GRID1: variants seen among roughly 807,000 people sequenced by gnomAD.
GRID1 encodes the protein glutamate ionotropic receptor delta type subunit 1.
A neutral mutation model predicts 98.0 loss-of-function variants in GRID1; 28 were observed. That is an observed-to-expected ratio of 0.29 (90% CI 0.21 to 0.39). GRID1 has a LOEUF of 0.39. GRID1 is among the 10% of genes least tolerant of loss of function. The probability of loss-of-function intolerance (pLI) is 1.00; values close to 1 mark genes in which losing one functional copy is unlikely to be tolerated. For synonymous variants in GRID1, 553 were observed against 538.5 expected, an observed-to-expected ratio of 1.03 and a Z score of -0.37; for missense variants, 1,111 against 1,340.5, an observed-to-expected ratio of 0.83 and a Z score of 2.67.
rs533334388 is a variant in GRID1, at chr10:85,727,893, T to A, written c.1495A>T (p.Thr499Ser). The A allele has an allele frequency of 1.2e-5, 19 of 1,613,776 alleles. No homozygotes were observed. Among genetic ancestry groups the A allele is most frequent in the South Asian group, 6.6e-5 (6 of 91,056 alleles). ...TCCCCGATCATCCCGTTCCAGGAGGTGTTATGGAGCTGGTGACCGTACCTG... is the reference window on the plus strand; with the variant it reads ...TCCCCGATCATCCCGTTCCAGGAGGAGTTATGGAGCTGGTGACCGTACCTG... ...DGRYGHQLHN[T>S]SWNGMIGELI... is the part of the protein sequence containing the mutation. The change falls in exon 10 of 16, where the codon ACC becomes TCC. Residue 499 changes from threonine to serine, a missense_variant. By Grantham distance (58) the Thr-to-Ser change is moderately conservative. Transcript: ENST00000327946.
chr10:85,718,454 C>G (rs1048733194), intron 12 of GRID1, among the ~76,000 whole-genome samples: 1 of 151,916 alleles, frequency 6.6e-6, no homozygotes, highest in Middle Eastern at 3.2e-3. Flanking sequence ...GCCTTGCCCC[C>G]GCAGCAAACT....
chr10:86,032,363 T>A (rs1370338899), intron 4 of GRID1, among the ~76,000 whole-genome samples: 4 of 152,130 alleles, frequency 2.6e-5, no homozygotes, highest in Non-Finnish European at 4.4e-5. Context: ...ATGATGACGA[T>A]GGCAGTTTTG....
chr10:86,164,041 C>T (rs1436720892), intron 3 of GRID1, among the ~76,000 whole-genome samples: 3 of 152,178 alleles, frequency 2.0e-5, no homozygotes, highest in African/African-American at 7.2e-5. Context: ...AGTCCTAGGA[C>T]CCCAGGTGGG....
At chr10:85,763,212 C>T (rs1334209249) in intron 8 of GRID1, among the ~76,000 whole-genome samples, 1 of 152,224 alleles carries the variant, frequency 6.6e-6, no homozygotes, top group Non-Finnish European at 1.5e-5. Flanking sequence ...AATTTTCCTA[C>T]TTGTGCTCTC....
At chr10:86,158,762 T>A (rs558062737) in intron 3 of GRID1, among the ~76,000 whole-genome samples, 4 of 152,152 alleles carry the variant, frequency 2.6e-5, no homozygotes, top group African/African-American at 9.7e-5. Context: ...CACTATCCAA[T>A]GTGGCAGCCA....
At chr10:85,983,931 C>T (rs945192011) in intron 4 of GRID1, among the ~76,000 whole-genome samples, 5 of 152,088 alleles carry the variant, frequency 3.3e-5, no homozygotes, top group South Asian at 4.1e-4. Context: ...GCCCACAGGA[C>T]GCTCACCCTC....
At chr10:86,090,709 C>A (rs927108076) in intron 4 of GRID1, among the ~76,000 whole-genome samples, 3 of 152,134 alleles carry the variant, frequency 2.0e-5, no homozygotes, top group African/African-American at 4.8e-5. Context: ...AATTTTAGCT[C>A]CAGATTGACT....
intron 12 of GRID1, among the ~76,000 whole-genome samples, chr10:85,704,496 T>G (rs1002954557): frequency 3.3e-5 from 5 of 152,270 alleles, no homozygotes; most frequent in African/African-American, 1.2e-4. Context: ...AGAAAGAGAC[T>G]TAGACTCCCA....
At chr10:86,132,818 C>T (rs1844857860) in intron 4 of GRID1, among the ~76,000 whole-genome samples, 1 of 152,228 alleles carries the variant, frequency 6.6e-6, no homozygotes, top group Non-Finnish European at 1.5e-5. Context: ...TAAACCCAGG[C>T]TGGGCTTCTA....
intron 3 of GRID1, among the ~76,000 whole-genome samples, chr10:86,186,353 T>C (rs748538206): frequency 5.4e-4 from 82 of 152,240 alleles, no homozygotes; most frequent in Non-Finnish European, 1.1e-3. Context: ...TTTATCTTCA[T>C]GAAAAACCAC....
intron 4 of GRID1, among the ~76,000 whole-genome samples, chr10:86,091,601 CG>C (rs1844149678): frequency 6.6e-6 from 1 of 152,012 alleles, no homozygotes; most frequent in Non-Finnish European, 1.5e-5. Context: ...TCTAGAGCCC[CG>C]CCTAGCACCG....
chr10:86,113,123 G>C (rs1256344439), intron 4 of GRID1, among the ~76,000 whole-genome samples: 1 of 152,126 alleles, frequency 6.6e-6, no homozygotes, highest in East Asian at 1.9e-4. Context: ...TTTCATGCTT[G>C]CCTTCTTAAA....
At chr10:85,852,189 G>A (rs906943732) in intron 8 of GRID1, among the ~76,000 whole-genome samples, 1 of 152,148 alleles carries the variant, frequency 6.6e-6, no homozygotes, top group African/African-American at 2.4e-5. Flanking sequence ...TAACAACCAG[G>A]ATATGCAGTT....
chr10:85,637,654 C>G lies in GRID1; in HGVS notation c.2193+9548G>C, dbSNP rs143447519. ...GGAGTTCAACTGCTTTTTCCTGCCT[C>G]TCTAATTTCCTTTATCTTCCTGTAC... is the stretch of plus-strand genomic sequence containing the variant. On this transcript the variant is annotated intron_variant, in intron 13 of 15. Coordinates refer to ENST00000327946, the MANE Select transcript of GRID1 (RefSeq NM_017551.3). Among the ~76,000 whole-genome samples the G allele has an allele frequency of 3.3e-5, 5 of 152,338 alleles. No individual in the cohort carries two copies. In the East Asian group the frequency reaches 9.6e-4, roughly 29 times the overall value.
intron 4 of GRID1, among the ~76,000 whole-genome samples, chr10:85,957,254 G>A (rs747199578): frequency 6.6e-6 from 1 of 152,232 alleles, no homozygotes; most frequent in African/African-American, 2.4e-5. Flanking sequence ...GCTATAGGAT[G>A]AAGCTGGGAT....
intron 2 of GRID1, among the ~76,000 whole-genome samples, chr10:86,262,010 G>A (rs969128089): frequency 6.6e-6 from 1 of 152,208 alleles, no homozygotes; most frequent in East Asian, 1.9e-4. Flanking sequence ...TTCTGGCATC[G>A]GCAGGTGAAA....
intron 2 of GRID1, among the ~76,000 whole-genome samples, chr10:86,254,609 T>G (rs914825888): frequency 6.6e-6 from 1 of 152,178 alleles, no homozygotes; most frequent in Non-Finnish European, 1.5e-5. Context: ...CTGGAGTCAG[T>G]GTTCACACAC....
At chr10:86,207,493 A>G (rs1238065026) in intron 2 of GRID1, among the ~76,000 whole-genome samples, 1 of 152,158 alleles carries the variant, frequency 6.6e-6, no homozygotes, top group Non-Finnish European at 1.5e-5. Flanking sequence ...ACGTGCGTAC[A>G]CTTTTTTGGG....
intron 4 of GRID1, among the ~76,000 whole-genome samples, chr10:86,126,833 C>T (rs1323370511): frequency 2.0e-5 from 3 of 152,230 alleles, no homozygotes; most frequent in Admixed American, 6.5e-5. Context: ...TGACAGTCCT[C>T]TTCAGAGAAG....
Sources: allele counts gnomAD v4.1 joint callset (sites outside exome capture counted in the v4.1 genomes callset), GRCh38; gene constraint gnomAD v4.1.1; transcripts MANE v1.5; gene names NCBI Gene and HGNC (gene_info 2026-07-23, HGNC 2026-07-21).